Variants in MAU2 observed in about 807,000 individuals in gnomAD.
The protein encoded by MAU2 is MAU2 sister chromatid cohesion factor.
MAU2 carries 9 observed loss-of-function variants against 89.1 expected under a neutral mutation model. That is an observed-to-expected ratio of 0.10 (90% confidence interval 0.06 to 0.18). The LOEUF is 0.18. Among genes scored for constraint, MAU2 ranks in the 10% least tolerant of loss-of-function variants. The pLI is 1.00. For missense variants in MAU2, 425 were observed against 803.5 expected (o/e 0.53, Z 5.69); for synonymous variants, 357 against 343.4 (o/e 1.04, Z -0.44).
Position 19,321,095 on chromosome 19 carries a change from C to A in MAU2, c.236C>A (p.Thr79Asn). Residue 79 changes from threonine (T) to asparagine (N), a missense_variant, in exon 1 of 19, where the codon ACC (threonine) becomes AAC (asparagine). Physicochemically the swap from Thr to Asn is moderately conservative, Grantham distance 65 (BLOSUM62 0). Coordinates refer to ENST00000262815, the MANE Select transcript of MAU2 (RefSeq NM_015329.4). The part of the protein sequence containing the change: ...LQLGSVLYHH[T>N]KNSEQARSHL... ...CTGGGCTCCGTTCTCTATCACCACA[C>A]CAAGAACAGCGAGCAGGCGCGCAGC... The A allele has an allele frequency of 1.2e-6, 2 of 1,606,922 alleles. No individual in the cohort carries two copies. The highest frequency in any genetic ancestry group is 1.7e-6 in the Non-Finnish European group (2 of 1,177,232).
rs2061657205 is a variant in MAU2, at chr19:19,342,383, G to T, written c.736-152G>T. 1.2e-5 allele frequency: 11 copies of T among 935,378 alleles called. No homozygotes were observed. The South Asian group carries it at 1.8e-4, about 16-fold the overall frequency. The allele number at this position is 935,378 out of a possible 1,614,324, so 57.9% of individuals were successfully genotyped here. On this transcript the variant is annotated intron_variant, in intron 7 of 18. Transcript: ENST00000262815. Reference sequence around the variant, plus strand: ...CCAAAAGCCTGGCTGATTCATGGGAGTGCGGCAGGGGCGGCTTCATCTTGC... The same window carrying T: ...CCAAAAGCCTGGCTGATTCATGGGATTGCGGCAGGGGCGGCTTCATCTTGC...
intron 1 of MAU2, among the ~76,000 whole-genome samples, chr19:19,325,017 G>T (rs1234876203): frequency 1.3e-5 from 2 of 152,084 alleles, no homozygotes; most frequent in Admixed American, 1.3e-4. Context: ...GCTTAGAGGT[G>T]GTTTGCTGGT....
At chr19:19,348,755 T>G in intron 13 of MAU2, 134 bp from the exon 14 acceptor site, 1 of 951,144 alleles carries the variant, frequency 1.1e-6, no homozygotes, top group Non-Finnish European at 1.7e-6. Context: ...CTCTTGCTGG[T>G]CAGTCACCAG....
intron 11 of MAU2, 44 bp downstream of exon 11, chr19:19,344,970 C>T (rs745893860): frequency 1.3e-6 from 2 of 1,566,404 alleles, no homozygotes; most frequent in African/African-American, 2.7e-5. Context: ...CCAGAATGTT[C>T]TCAGTAAGTA....
intron 1 of MAU2, chr19:19,334,264 C>T (rs931473385): frequency 3.2e-5 from 32 of 985,448 alleles, no homozygotes; most frequent in South Asian, 9.4e-5. Flanking sequence ...CCCTCCTGTC[C>T]GTGCCACAAG....
chr19:19,337,139 T>TA, intron 3 of MAU2, 31 bp from the exon 4 acceptor site: 1 of 1,525,366 alleles, frequency 6.6e-7, no homozygotes, highest in Non-Finnish European at 9.0e-7. Context: ...TTTTTTTTCT[T>TA]ACATTCCCAA....
Position 19,349,250 on chromosome 19 carries a change from G to C in MAU2, c.1436+18G>C. The C allele has an allele frequency of 6.2e-7, 1 of 1,614,124 alleles. No individual in the cohort carries two copies. Among genetic ancestry groups the C allele is most frequent in the Non-Finnish European group, 8.5e-7 (1 of 1,179,996 alleles). On this transcript the variant is annotated intron_variant, in intron 15 of 18. Coordinates refer to ENST00000262815, the MANE Select transcript of MAU2 (RefSeq NM_015329.4). Reference sequence around the variant, plus strand: ...GAGGCCAAGTAAGTGTGGGGCAGAGGGTGGCGTGAGGGCCATGCTCAGGGT... The same window carrying C: ...GAGGCCAAGTAAGTGTGGGGCAGAGCGTGGCGTGAGGGCCATGCTCAGGGT...
At chr19:19,347,680 G>A (rs2061705197) in intron 13 of MAU2, 2 of 239,178 alleles carry the variant, frequency 8.4e-6, no homozygotes, top group African/African-American at 2.3e-5. Context: ...ATGTCGGCCA[G>A]GCATTGAGGC....
At chr19:19,335,599 T>C in intron 1 of MAU2, 119 bp from the exon 2 acceptor site, 1 of 1,006,576 alleles carries the variant, frequency 9.9e-7, no homozygotes, top group Non-Finnish European at 1.6e-6. Context: ...CGCCTTCTTG[T>C]TACCTGGATA....
intron 1 of MAU2, among the ~76,000 whole-genome samples, chr19:19,333,318 C>G (rs2061570750): frequency 6.6e-6 from 1 of 152,046 alleles, no homozygotes; most frequent in Non-Finnish European, 1.5e-5. Flanking sequence ...GACCCCATCT[C>G]TACAAAAAAT....
intron 1 of MAU2, among the ~76,000 whole-genome samples, chr19:19,332,657 C>G (rs8103197): frequency 2.6e-5 from 4 of 151,830 alleles, no homozygotes; most frequent in African/African-American, 9.7e-5. Context: ...CCCAGCTCAC[C>G]AGTGCTCACT....
chr19:19,356,132 G>A lies in MAU2; in HGVS notation c.*350G>A, dbSNP rs537539905. 63 of 476,888 alleles carry A rather than the reference G, an allele frequency of 1.3e-4. No individual in the cohort carries two copies. Among genetic ancestry groups the A allele is most frequent in the African/African-American group, 1.2e-3 (62 of 51,672 alleles). 29.5% of individuals were successfully genotyped at this position (476,888 alleles called of 1,614,324 possible). A position where few individuals can be genotyped will look rare whatever the true frequency, so the allele number is the denominator to read the frequency against. On this transcript the variant is annotated 3_prime_UTR_variant, in exon 19 of 19. Coordinates refer to ENST00000262815, the MANE Select transcript of MAU2 (RefSeq NM_015329.4). ...GTCCTAATCCTGTGTGCCAGGGCAG[G>A]CAGTGCCCCAGGGGCACCACGCCTG...
chr19:19,344,982 G>T, intron 11 of MAU2, 56 bp downstream of exon 11: 1 of 1,501,968 alleles, frequency 6.7e-7, no homozygotes. Context: ...CAGTAAGTAA[G>T]TACCTAACCA....
chr19:19,322,447 A>T (rs1438615540), intron 1 of MAU2, among the ~76,000 whole-genome samples: 1 of 152,144 alleles, frequency 6.6e-6, no homozygotes, highest in Non-Finnish European at 1.5e-5. Flanking sequence ...AAAAATACAA[A>T]AACTAGCTGG....
chr19:19,351,802 C>T (rs1028598568), intron 16 of MAU2, among the ~76,000 whole-genome samples: 14 of 151,860 alleles, frequency 9.2e-5, no homozygotes, highest in Admixed American at 3.3e-4. Context: ...CCCACGTCTC[C>T]CACGTGGAGG....
chr19:19,347,757 G>C (rs1261810301), intron 13 of MAU2: 1 of 168,616 alleles, frequency 5.9e-6, no homozygotes, highest in Non-Finnish European at 1.3e-5. Flanking sequence ...TGCAGGATCA[G>C]GGGCACTCAC....
intron 16 of MAU2, 166 bp from the exon 17 acceptor site, chr19:19,354,189 G>A: frequency 1.6e-6 from 1 of 637,008 alleles, no homozygotes; most frequent in African/African-American, 1.8e-5. Context: ...AGGGCCATTT[G>A]AGATGGGCTC....
intron 1 of MAU2, chr19:19,321,477 T>G: frequency 3.9e-6 from 1 of 254,922 alleles, no homozygotes; most frequent in South Asian, 6.0e-5. Context: ...GATGGGGACA[T>G]CACAGGGTCC....
At position 19,348,885 on chromosome 19, in the gene MAU2, G is replaced by A. The variant is rs192384615; in HGVS notation, c.1309-4G>A. 1.1e-5 allele frequency: 18 copies of A among 1,613,942 alleles called. No individual in the cohort carries two copies. In the Admixed American group the frequency reaches 1.2e-4, roughly 10 times the overall value. On this transcript the variant is annotated splice_polypyrimidine_tract_variant and splice_region_variant and intron_variant, in intron 13 of 18. Coordinates refer to ENST00000262815, the MANE Select transcript of MAU2 (RefSeq NM_015329.4). ...ATGGTGCTGACTGGCTCTTTCCCCC[G>A]CAGCTCTACAGTCTGCTGGAGAGGA... is the stretch of plus-strand genomic sequence containing the variant.
Sources: gnomAD v4.1 joint callset for allele counts (sites outside exome capture counted in the v4.1 genomes callset) on GRCh38, gnomAD v4.1.1 for gene constraint, MANE v1.5 for transcripts, NCBI Gene and HGNC (gene_info 2026-07-23, HGNC 2026-07-21) for gene names.